The following RAPH1 variants were observed in gnomAD, a reference collection of about 807,000 sequenced individuals.
The protein encoded by RAPH1 is ras-associated and pleckstrin homology domains-containing protein 1.
A neutral mutation model predicts 88.1 loss-of-function variants in RAPH1; 18 were observed. The observed-to-expected ratio is 0.20, with a 90% confidence interval of 0.14 to 0.30. RAPH1 has a LOEUF of 0.30. Among genes scored for constraint, RAPH1 ranks in the 10% least tolerant of loss-of-function variants. The pLI is 1.00. For missense variants in RAPH1, 1,448 were observed against 1,543.2 expected, an observed-to-expected ratio of 0.94 and a Z score of 1.03; for synonymous variants, 587 against 559.0, an observed-to-expected ratio of 1.05 and a Z score of -0.71.
intron 10 of RAPH1, 140 bp downstream of exon 10, chr2:203,454,290 A>G: frequency 1.7e-6 from 1 of 585,684 alleles, no homozygotes; most frequent in Non-Finnish European, 2.9e-6. Context: ...TTTCCTTACC[A>G]CACTTCACCA....
chr2:203,454,881 C>T (rs186852646), intron 9 of RAPH1, among the ~76,000 whole-genome samples: 20 of 152,194 alleles, frequency 1.3e-4, no homozygotes, highest in Admixed American at 6.5e-4. Context: ...AATATCAAGT[C>T]GTTCAGTGCC....
intron 1 of RAPH1, among the ~76,000 whole-genome samples, chr2:203,506,840 ATATATCTATCTATATC>A (rs1689075578): frequency 1.6e-5 from 1 of 63,190 alleles, no homozygotes; most frequent in Admixed American, 1.9e-4. Flanking sequence ...ATCTATATCT[ATATATCTATCTATATC>A]TATATATATA....
chr2:203,450,564 A>G (rs1183586834), intron 10 of RAPH1, among the ~76,000 whole-genome samples: 1 of 152,238 alleles, frequency 6.6e-6, no homozygotes, highest in Admixed American at 6.5e-5. Flanking sequence ...CATTCATTCA[A>G]CAGATACTTA....
At chr2:203,470,253 G>A (rs767780104) in intron 4 of RAPH1, 4 of 1,612,018 alleles carry the variant, frequency 2.5e-6, no homozygotes, top group South Asian at 2.2e-5. Flanking sequence ...GTCAGCAAAT[G>A]AGAAGGTTTT....
At chr2:203,465,018 G>A (rs1306742486) in intron 4 of RAPH1, among the ~76,000 whole-genome samples, 2 of 152,172 alleles carry the variant, frequency 1.3e-5, no homozygotes, top group Non-Finnish European at 2.9e-5. Flanking sequence ...GGAACAATAG[G>A]AACTCTCATT....
chr2:203,464,228 T>A (rs2098526609), intron 4 of RAPH1, among the ~76,000 whole-genome samples: 1 of 152,236 alleles, frequency 6.6e-6, no homozygotes, highest in African/African-American at 2.4e-5. Flanking sequence ...GAGGAAAAAC[T>A]GATATGTGGA....
rs147887694 is a variant in RAPH1 at position 203,440,203 on chromosome 2, G to A, written c.2987C>T (p.Ser996Leu). 1.3e-5 allele frequency: 21 copies of A among 1,613,810 alleles called. No individual in the cohort carries two copies. Among genetic ancestry groups the A allele is most frequent in the Non-Finnish European group, 1.8e-5 (21 of 1,179,986 alleles). The change falls in exon 14 of 14, where the codon TCG becomes TTG. Residue 996 changes from serine (S) to leucine (L), a missense_variant. Physicochemically the swap from Ser to Leu is moderately radical, Grantham distance 145. This residue lies in a region of RAPH1 where 935 missense variants were observed against 890.1 expected (regional missense o/e 1.05). Coordinates refer to ENST00000319170, the MANE Select transcript of RAPH1 (RefSeq NM_213589.3). Reference sequence around the variant, plus strand: ...AAACTTGCTGACTAGACTGTCCACCGAGGGTCTCTTGGGCTCGGGGTGCTC... The same window carrying A: ...AAACTTGCTGACTAGACTGTCCACCAAGGGTCTCTTGGGCTCGGGGTGCTC... ...GAEHPEPKRP[S>L]VDSLVSKFTP... is the part of the protein sequence containing the mutation.
chr2:203,487,540 C>A (rs1284815349), intron 4 of RAPH1, among the ~76,000 whole-genome samples: 1 of 152,094 alleles, frequency 6.6e-6, no homozygotes, highest in Admixed American at 6.5e-5. Context: ...GCCACCACAT[C>A]CAACTAATTT....
rs752652538 is a variant in RAPH1, at chr2:203,441,264, T to C, written c.1926A>G (p.Pro642=). 2 of 161,080 alleles carry C rather than the reference T, an allele frequency of 1.2e-5. No individual in the cohort carries two copies. Among genetic ancestry groups the C allele is most frequent in the Non-Finnish European group, 1.8e-5 (2 of 108,374 alleles). 10.0% of individuals were successfully genotyped at this position (161,080 alleles called of 1,614,324 possible). A position where few individuals can be genotyped will look rare whatever the true frequency, so the allele number is the denominator to read the frequency against. ...PPPPPPPPPP[P]PPPPPPLPSQ... ...TGGGGAGTGGGGGAGGAGGGGGTGG[T>C]GGAGGGGGTGGTGGAGGAGGAGGTG... is the stretch of plus-strand genomic sequence containing the variant. Residue 642 remains proline (P), a synonymous_variant, in exon 14 of 14, where the codon CCA becomes CCG. Transcript: ENST00000319170.
chr2:203,461,233 C>A lies in RAPH1; in HGVS notation c.970+16G>T. 6.6e-7 allele frequency: 1 copy of A among 1,505,666 alleles called. No individual in the cohort carries two copies. The highest frequency in any genetic ancestry group is 8.9e-7 in the Non-Finnish European group (1 of 1,120,194). The allele number at this position is 1,505,666 out of a possible 1,614,324, so 93.3% of individuals were successfully genotyped here. On this transcript the variant is annotated intron_variant, in intron 6 of 13. Coordinates refer to ENST00000319170, the MANE Select transcript of RAPH1 (RefSeq NM_213589.3). ...CACAAAAATTAGAAAGCAATTAAAG[C>A]AATGATATTACTAACCCATTTGTAA... is the stretch of plus-strand genomic sequence containing the variant.
Position 203,438,400 on chromosome 2 carries a change from T to C in RAPH1, c.*1037A>G, listed in dbSNP as rs1161134816. The C allele has an allele frequency of 4.0e-5, 14 of 347,512 alleles. No individual in the cohort carries two copies. Among genetic ancestry groups the C allele is most frequent in the Admixed American group, 2.4e-4 (6 of 25,316 alleles). The allele number at this position is 347,512 out of a possible 1,614,324, so 21.5% of individuals were successfully genotyped here. A position where few individuals can be genotyped will look rare whatever the true frequency, so the allele number is the denominator to read the frequency against. ...ATTTTGTTTTTCATAATGCACCATA[T>C]TGGGGCACAGGATGTGTATATTTCA... is the stretch of plus-strand genomic sequence containing the variant. On this transcript the variant is annotated 3_prime_UTR_variant, in exon 14 of 14. Transcript: ENST00000319170.
At chr2:203,490,711 A>G (rs1461587312) in intron 3 of RAPH1, among the ~76,000 whole-genome samples, 2 of 152,160 alleles carry the variant, frequency 1.3e-5, no homozygotes, top group Admixed American at 6.6e-5. Context: ...TTTCTCTGTG[A>G]TATTTTCAAT....
chr2:203,462,081 CATATT>C (rs1309031476), intron 4 of RAPH1, among the ~76,000 whole-genome samples, 156 bp from the exon 5 acceptor site: 2 of 152,126 alleles, frequency 1.3e-5, no homozygotes, highest in Non-Finnish European at 2.9e-5. Flanking sequence ...AAAGAGCAGA[CATATT>C]ATAAAGAAAC....
rs1488308709 is a variant in RAPH1 at position 203,434,056 on chromosome 2, C to CTATCTATCTATATATATATATA, written c.*5380_*5381insTATATATATATATAGATAGATA. On this transcript the variant is annotated 3_prime_UTR_variant, in exon 14 of 14. Coordinates refer to ENST00000319170, the MANE Select transcript of RAPH1 (RefSeq NM_213589.3). Reference sequence around the variant, plus strand: ...CTCTCTCATATATCTATCTATCTATCTATATATATATATATATATATATAG... The same window carrying CTATCTATCTATATATATATATA: ...CTCTCTCATATATCTATCTATCTATCTATCTATCTATATATATATATATATATATATATATATATATATATAG... 2.7e-5 allele frequency: 4 copies of CTATCTATCTATATATATATATA among 145,644 alleles called. No individual in the cohort carries two copies. Among genetic ancestry groups the CTATCTATCTATATATATATATA allele is most frequent in the African/African-American group, 1.0e-4 (4 of 39,220 alleles). The allele number at this position is 145,644 out of a possible 1,614,324, so 9.0% of individuals were successfully genotyped here.
rs1052983521 is a variant in RAPH1, at chr2:203,457,600, A to G, written c.1093-5T>C. On this transcript the variant is annotated splice_region_variant and splice_polypyrimidine_tract_variant and intron_variant, in intron 7 of 13. Transcript: ENST00000319170. Reference sequence around the variant, plus strand: ...TTTTTTCCCCAAAAGATAATTCTGGAAAAACAAACATATGGAAGGGATGGG... The same window carrying G: ...TTTTTTCCCCAAAAGATAATTCTGGGAAAACAAACATATGGAAGGGATGGG... 4.4e-6 allele frequency: 7 copies of G among 1,600,624 alleles called. No individual in the cohort carries two copies. In the South Asian group the frequency reaches 6.6e-5, roughly 15 times the overall value.
chr2:203,480,929 C>T (rs772414242), intron 4 of RAPH1, among the ~76,000 whole-genome samples: 7 of 152,080 alleles, frequency 4.6e-5, no homozygotes, highest in South Asian at 2.1e-4. Context: ...CATGTAAAAT[C>T]GGGGTACTCA....
At chr2:203,453,217 G>A (rs928055653) in intron 10 of RAPH1, among the ~76,000 whole-genome samples, 4 of 152,072 alleles carry the variant, frequency 2.6e-5, no homozygotes, top group Non-Finnish European at 4.4e-5. Flanking sequence ...AAATGATACA[G>A]TGGTGTTCCC....
intron 4 of RAPH1, among the ~76,000 whole-genome samples, chr2:203,485,911 G>C (rs1457307076): frequency 6.6e-6 from 1 of 152,122 alleles, no homozygotes; most frequent in Admixed American, 6.5e-5. Context: ...GAGAAACCCT[G>C]ACCTAGAAGG....
intron 13 of RAPH1, chr2:203,442,871 C>T (rs2098505539): frequency 6.6e-6 from 1 of 152,174 alleles, no homozygotes; most frequent in African/African-American, 2.4e-5. Flanking sequence ...ACGGATCTCA[C>T]CATTAGTAAT....
Sources: allele counts gnomAD v4.1 joint callset (sites outside exome capture counted in the v4.1 genomes callset), GRCh38; gene constraint gnomAD v4.1.1; regional missense constraint gnomAD v4.1.1; transcripts MANE v1.5; gene names NCBI Gene and HGNC (gene_info 2026-07-23, HGNC 2026-07-21).